TRAK2: variants seen among roughly 807,000 people sequenced by gnomAD.
TRAK2 encodes the protein trafficking kinesin-binding protein 2.
TRAK2 carries 81 observed loss-of-function variants against 104.6 expected under a neutral mutation model. The ratio of observed to expected loss-of-function variants is 0.77; its 90% CI spans 0.65 to 0.93. The LOEUF is 0.93. Ranked by LOEUF, TRAK2 falls within the 40% of genes least tolerant of loss-of-function variation. The pLI, the probability that TRAK2 is intolerant of heterozygous loss-of-function variation, is 0.00. For missense variants in TRAK2, 1,002 were observed against 1,089.0 expected (o/e 0.92, Z 1.12); for synonymous variants, 406 against 394.4 (o/e 1.03, Z -0.35).
intron 15 of TRAK2, among the ~76,000 whole-genome samples, chr2:201,382,562 C>T (rs1257038735): frequency 2.0e-5 from 3 of 152,100 alleles, no homozygotes; most frequent in Non-Finnish European, 1.5e-5. Context: ...CTGTCCTTAC[C>T]CAAACTGTAC....
intron 1 of TRAK2, among the ~76,000 whole-genome samples, chr2:201,422,248 A>G (rs1387756117): frequency 6.6e-6 from 1 of 152,150 alleles, no homozygotes; most frequent in Non-Finnish European, 1.5e-5. Context: ...GGGGGGAAAA[A>G]AAAAGCACAT....
intron 10 of TRAK2, among the ~76,000 whole-genome samples, chr2:201,390,563 CAAA>C (rs566298441): frequency 2.3e-5 from 2 of 87,258 alleles, no homozygotes; most frequent in Non-Finnish European, 2.1e-5. Context: ...GACTCCGTCT[CAAA>C]AAAAAAAAAA....
At chr2:201,384,394 A>G (rs1029729200) in intron 14 of TRAK2, among the ~76,000 whole-genome samples, 178 bp from the exon 15 acceptor site, 1 of 152,234 alleles carries the variant, frequency 6.6e-6, no homozygotes, top group Non-Finnish European at 1.5e-5. Flanking sequence ...ACTGGTTAGT[A>G]TATAGGTGAA....
chr2:201,443,927 G>A (rs897745941), intron 1 of TRAK2, among the ~76,000 whole-genome samples: 3 of 152,208 alleles, frequency 2.0e-5, no homozygotes, highest in East Asian at 1.9e-4. Flanking sequence ...CAGGGCGGCC[G>A]CAGTGGCTCA....
At chr2:201,427,052 C>T (rs558910767) in intron 1 of TRAK2, among the ~76,000 whole-genome samples, 1 of 152,286 alleles carries the variant, frequency 6.6e-6, no homozygotes, top group African/African-American at 2.4e-5. Context: ...AAGGGTCAGA[C>T]ATGAGAACTA....
chr2:201,428,216 T>C (rs1951807523), intron 1 of TRAK2, among the ~76,000 whole-genome samples: 1 of 152,228 alleles, frequency 6.6e-6, no homozygotes, highest in South Asian at 2.1e-4. Flanking sequence ...CCATTGCTTT[T>C]GGTGTTTTAG....
chr2:201,416,488 A>G (rs1460119241), intron 2 of TRAK2, among the ~76,000 whole-genome samples: 1 of 152,164 alleles, frequency 6.6e-6, no homozygotes, highest in African/African-American at 2.4e-5. Context: ...AGGAAATGTT[A>G]AAGTTAAACA....
chr2:201,433,639 C>T (rs1020120842), intron 1 of TRAK2: 7 of 152,224 alleles, frequency 4.6e-5, no homozygotes, highest in Non-Finnish European at 7.3e-5. Context: ...CCCTCCCTGA[C>T]ACAATCTTCA....
At chr2:201,429,484 C>T (rs1224605762) in intron 1 of TRAK2, among the ~76,000 whole-genome samples, 1 of 152,244 alleles carries the variant, frequency 6.6e-6, no homozygotes, top group Non-Finnish European at 1.5e-5. Context: ...TTCTCCCCGT[C>T]ACTTTCAGGT....
intron 1 of TRAK2, among the ~76,000 whole-genome samples, chr2:201,423,999 C>T (rs781739028): frequency 3.9e-5 from 6 of 152,182 alleles, no homozygotes; most frequent in Non-Finnish European, 8.8e-5. Context: ...TTCCAGTTGT[C>T]AAAAATTCAT....
At chr2:201,389,617 G>T in intron 11 of TRAK2, 114 bp from the exon 12 acceptor site, 1 of 1,118,608 alleles carries the variant, frequency 8.9e-7, no homozygotes, top group Non-Finnish European at 1.3e-6. Flanking sequence ...CTATTTAGGA[G>T]AAATCATCAG....
chr2:201,412,232 G>A, intron 2 of TRAK2: 1 of 973,312 alleles, frequency 1.0e-6, no homozygotes, highest in Non-Finnish European at 1.7e-6. Context: ...TGCTTGGGCA[G>A]TAGAACCTTT....
chr2:201,401,079 C>G lies in TRAK2; in HGVS notation c.302G>C (p.Arg101Thr). The G allele has an allele frequency of 6.2e-7, 1 of 1,609,212 alleles. No homozygotes were observed. The highest frequency in any genetic ancestry group is 8.5e-7 in the Non-Finnish European group (1 of 1,176,780). The stretch of plus-strand genomic sequence containing the variant: ...GTAAGTTTTGGTCATCTGCTCCACC[C>G]TGTCTGTGCCTAGAACTAATATAGT... Reference protein sequence around the residue: ...TFRYMILGTDRVEQMTKTYND... With the variant: ...TFRYMILGTDTVEQMTKTYND... Residue 101 changes from arginine to threonine, a missense_variant, in exon 4 of 16, where the codon AGG becomes ACG. Physicochemically the swap from Arg to Thr is moderately conservative, Grantham distance 71. Transcript: ENST00000332624.
At position 201,381,150 on chromosome 2, in the gene TRAK2, G is replaced by A. The variant is rs1951340683; in HGVS notation, c.2138C>T (p.Pro713Leu). 3 of 1,613,762 alleles carry A rather than the reference G, an allele frequency of 1.9e-6. No homozygotes were observed. The highest frequency in any genetic ancestry group is 1.7e-5 in the Admixed American group (1 of 59,946). ...AATGCTGAGTCTATAGGACAAGGCA[G>A]GAGAATTCACAGCCGTGTTGGATGA... Reference protein sequence around the residue: ...SSSSNTAVNSPALSYRLSIGE... With the variant: ...SSSSNTAVNSLALSYRLSIGE... The change falls in exon 16 of 16, where the codon CCT becomes CTT. Residue 713 changes from proline to leucine, a missense_variant. Physicochemically the swap from Pro to Leu is moderately conservative, Grantham distance 98. Transcript: ENST00000332624.
At chr2:201,381,311 G>T (rs3731709) in intron 15 of TRAK2, 93 bp from the exon 16 acceptor site, 45 of 1,162,712 alleles carry the variant, frequency 3.9e-5, no homozygotes, top group Non-Finnish European at 2.1e-5. Flanking sequence ...AGTTATCCTT[G>T]GTAAATATAA....
intron 1 of TRAK2, among the ~76,000 whole-genome samples, chr2:201,427,463 T>G (rs1275321120): frequency 6.6e-6 from 1 of 152,168 alleles, no homozygotes; most frequent in Non-Finnish European, 1.5e-5. Context: ...ACAATGATGG[T>G]TTCCAGCTTC....
At chr2:201,404,233 C>A (rs887038870) in intron 3 of TRAK2, among the ~76,000 whole-genome samples, 2 of 152,174 alleles carry the variant, frequency 1.3e-5, no homozygotes, top group African/African-American at 4.8e-5. Flanking sequence ...AGCAGGTTGT[C>A]TTTGTTAAAA....
chr2:201,421,411 T>G (rs994641927), intron 1 of TRAK2, among the ~76,000 whole-genome samples: 3 of 151,510 alleles, frequency 2.0e-5, no homozygotes, highest in Non-Finnish European at 2.9e-5. Context: ...CAAAACAGGG[T>G]TTTTTAATCT....
chr2:201,428,193 T>C (rs191571525), intron 1 of TRAK2, among the ~76,000 whole-genome samples: 6 of 152,354 alleles, frequency 3.9e-5, no homozygotes, highest in Admixed American at 3.9e-4. Context: ...TTTGTCTATT[T>C]TGGCTTTTAT....
Sources: allele counts gnomAD v4.1 joint callset (sites outside exome capture counted in the v4.1 genomes callset), GRCh38; gene constraint gnomAD v4.1.1; transcripts MANE v1.5; gene names NCBI Gene and HGNC (gene_info 2026-07-23, HGNC 2026-07-21).